TXNRD1: variants seen among roughly 807,000 people sequenced by gnomAD.
TXNRD1 encodes thioredoxin reductase 1, cytoplasmic.
In TXNRD1, 57 loss-of-function variants were observed where a neutral mutation model predicts 80.3. The observed-to-expected ratio is 0.71, with a 90% CI of 0.57 to 0.89. TXNRD1 has a LOEUF of 0.89. Among genes scored for constraint, TXNRD1 ranks in the 40% least tolerant of loss-of-function variants. The pLI is 0.00. For missense variants in TXNRD1, 730 were observed against 803.0 expected (o/e 0.91, Z 1.10); for synonymous variants, 291 against 285.2 (o/e 1.02, Z -0.20).
intron 2 of TXNRD1, among the ~76,000 whole-genome samples, chr12:104,253,873 A>G (rs1354726642): frequency 6.6e-6 from 1 of 151,912 alleles, no homozygotes; most frequent in Non-Finnish European, 1.5e-5. Context: ...TTGTATTTTT[A>G]GTAGAGATGG....
chr12:104,302,630 T>C (rs753438556), intron 4 of TXNRD1, among the ~76,000 whole-genome samples: 1 of 151,656 alleles, frequency 6.6e-6, no homozygotes. Context: ...GCTGGGACTA[T>C]AGGCGCCTGC....
intron 3 of TXNRD1, among the ~76,000 whole-genome samples, chr12:104,283,958 C>T (rs2033927572): frequency 6.6e-6 from 1 of 152,166 alleles, no homozygotes; most frequent in Admixed American, 6.5e-5. Context: ...CTACTCCTGA[C>T]TTCACTACCT....
intron 10 of TXNRD1, among the ~76,000 whole-genome samples, chr12:104,324,106 A>G (rs1215615995): frequency 6.6e-6 from 1 of 152,162 alleles, no homozygotes; most frequent in Non-Finnish European, 1.5e-5. Flanking sequence ...TTGAAGTACA[A>G]AAGTGAATAA....
At chr12:104,257,601 GTT>G in intron 2 of TXNRD1, among the ~76,000 whole-genome samples, 1 of 152,082 alleles carries the variant, frequency 6.6e-6, no homozygotes, top group Non-Finnish European at 1.5e-5. Context: ...TAGAGACGGG[GTT>G]TCCCCATGTT....
At chr12:104,259,248 G>T (rs2033313980) in intron 3 of TXNRD1, among the ~76,000 whole-genome samples, 2 of 151,872 alleles carry the variant, frequency 1.3e-5, no homozygotes, top group African/African-American at 2.4e-5. Context: ...GGGTGTGGTG[G>T]TGTGCACCTG....
chr12:104,318,875 A>G, intron 7 of TXNRD1, 38 bp from the exon 8 acceptor site: 1 of 1,587,900 alleles, frequency 6.3e-7, no homozygotes, highest in Non-Finnish European at 8.6e-7. Flanking sequence ...CCAGCAGTTG[A>G]AAAGCCAAAC....
At chr12:104,262,778 G>GT (rs11422121) in intron 3 of TXNRD1, among the ~76,000 whole-genome samples, 89,252 of 149,042 alleles carry the variant, frequency 0.6, 27,004 homozygotes, top group East Asian at 0.83. Flanking sequence ...ACTTGTTTGT[G>GT]TTTTTTTTTT....
At chr12:104,298,245 A>G (rs1013850107) in intron 4 of TXNRD1, among the ~76,000 whole-genome samples, 2 of 152,150 alleles carry the variant, frequency 1.3e-5, no homozygotes, top group African/African-American at 2.4e-5. Flanking sequence ...AACTCAGACT[A>G]TTTGTGGATC....
intron 1 of TXNRD1, among the ~76,000 whole-genome samples, chr12:104,224,368 G>A (rs1044646960): frequency 1.3e-5 from 2 of 151,824 alleles, no homozygotes; most frequent in Admixed American, 6.6e-5. Flanking sequence ...GGGCTCCTGG[G>A]GGTAAGGATG....
At chr12:104,325,280 G>C (rs1739722675) in intron 10 of TXNRD1, 57 bp from the exon 11 acceptor site, 3 of 1,385,460 alleles carry the variant, frequency 2.2e-6, no homozygotes, top group Non-Finnish European at 3.0e-6. Flanking sequence ...GGGGAAGGTA[G>C]AGAATCCAAC....
Position 104,300,629 on chromosome 12 carries a change from A to C in TXNRD1, c.415-10661A>C, listed in dbSNP as rs189918507. ...TGATTGGGGAGAGTTATTGAACTTG[A>C]GATTGTTTTACTTTGTAGCAATGTC... On this transcript the variant is annotated intron_variant, in intron 4 of 16. Transcript: ENST00000525566. 5.4e-4 allele frequency among the ~76,000 whole-genome samples: 82 copies of C among 152,256 alleles called. 2 individuals are homozygous for C. Among genetic ancestry groups the C allele is most frequent in the African/African-American group, 1.9e-3 (77 of 41,540 alleles).
At chr12:104,335,416 TCTCGAA>T (rs1312396429) in intron 15 of TXNRD1, among the ~76,000 whole-genome samples, 1 of 152,098 alleles carries the variant, frequency 6.6e-6, no homozygotes, top group East Asian at 1.9e-4. Context: ...GCCAGGCTGG[TCTCGAA>T]CTCCTGACCT....
intron 3 of TXNRD1, chr12:104,265,529 G>A: frequency 2.5e-6 from 4 of 1,610,816 alleles, no homozygotes; most frequent in Admixed American, 3.3e-5. Flanking sequence ...TCCCCCCTGC[G>A]GGTGAAGAAC....
intron 3 of TXNRD1, among the ~76,000 whole-genome samples, chr12:104,259,251 T>C (rs959949204): frequency 1.3e-5 from 2 of 151,674 alleles, no homozygotes; most frequent in Admixed American, 1.3e-4. Context: ...TGTGGTGGTG[T>C]GCACCTGTAG....
intron 3 of TXNRD1, among the ~76,000 whole-genome samples, chr12:104,261,459 G>A (rs141444092): frequency 2.2e-3 from 333 of 152,180 alleles, no homozygotes; most frequent in African/African-American, 7.5e-3. Flanking sequence ...CACCATGCCC[G>A]TCCCCCTTGT....
chr12:104,339,879 A>G (rs2036264582), intron 16 of TXNRD1, among the ~76,000 whole-genome samples: 1 of 152,200 alleles, frequency 6.6e-6, no homozygotes, highest in Non-Finnish European at 1.5e-5. Flanking sequence ...TTATATATGG[A>G]GTTGAAAATT....
At chr12:104,262,119 C>A (rs934202224) in intron 3 of TXNRD1, among the ~76,000 whole-genome samples, 3 of 151,200 alleles carry the variant, frequency 2.0e-5, no homozygotes, top group African/African-American at 7.3e-5. Context: ...ATTATCCCAG[C>A]GACTCAGGAG....
In TXNRD1 at chr12:104,319,592, GA is replaced by G; in HGVS notation, c.989+13del. ...AAGAATACTGCATCAGCAGGTAAAG[GA>G]AAAAAGCAGGGTGGAAAAGAAAAAC... On this transcript the variant is annotated splice_region_variant and intron_variant, in intron 9 of 16. Coordinates refer to ENST00000525566, the MANE Select transcript of TXNRD1 (RefSeq NM_001093771.3). 1.3e-6 allele frequency: 2 copies of G among 1,571,178 alleles called. No homozygotes were observed. Among genetic ancestry groups the G allele is most frequent in the Non-Finnish European group, 8.7e-7 (1 of 1,155,614 alleles).
chr12:104,229,138 ACTTTT>A (rs2032546480), intron 1 of TXNRD1, among the ~76,000 whole-genome samples: 1 of 132,220 alleles, frequency 7.6e-6, no homozygotes, highest in Admixed American at 8.3e-5. Flanking sequence ...TCCGAGCATT[ACTTTT>A]CTTTTTTTTT....
Sources: allele counts gnomAD v4.1 joint callset (sites outside exome capture counted in the v4.1 genomes callset), GRCh38; gene constraint gnomAD v4.1.1; transcripts MANE v1.5; gene names NCBI Gene and HGNC (gene_info 2026-07-23, HGNC 2026-07-21).